Variants in LRPPRC observed in about 807,000 individuals in gnomAD.
LRPPRC encodes leucine rich pentatricopeptide repeat containing, also known as leucine-rich PPR motif-containing protein, mitochondrial.
A neutral mutation model predicts 180.3 loss-of-function variants in LRPPRC; 120 were observed. That is an observed-to-expected ratio of 0.67 (90% confidence interval 0.57 to 0.77). The LOEUF is 0.77. LRPPRC is among the 30% of genes least tolerant of loss of function. LRPPRC has a pLI of 0.00. For synonymous variants in LRPPRC, 723 were observed against 600.0 expected (o/e 1.21, Z -3.00); for missense variants, 2,012 against 1,657.2 (o/e 1.21, Z -3.72).
chr2:43,982,448 C>A lies in LRPPRC; in HGVS notation c.150-14G>T. 1 of 1,590,626 alleles carries A rather than the reference C, an allele frequency of 6.3e-7. No individual in the cohort carries two copies. The highest frequency in any genetic ancestry group is 1.1e-5 in the South Asian group (1 of 90,388). ...CTCAGTAGTCCTCTAAAAAATGAAACATAATTAATAATAATCAGTTGCTAT... is the reference window on the plus strand; with the variant it reads ...CTCAGTAGTCCTCTAAAAAATGAAAAATAATTAATAATAATCAGTTGCTAT... On this transcript the variant is annotated splice_polypyrimidine_tract_variant and intron_variant, in intron 1 of 37. Transcript: ENST00000260665.
chr2:43,896,978 C>T (rs1484032721), intron 34 of LRPPRC, among the ~76,000 whole-genome samples: 4 of 152,086 alleles, frequency 2.6e-5, no homozygotes, highest in African/African-American at 9.7e-5. Flanking sequence ...TCAACAACCA[C>T]AGAATAAGGT....
At chr2:43,941,685 G>C (rs1307475500) in intron 23 of LRPPRC, among the ~76,000 whole-genome samples, 1 of 151,832 alleles carries the variant, frequency 6.6e-6, no homozygotes, top group African/African-American at 2.4e-5. Context: ...CCCTGACTAC[G>C]AATGTTTCTG....
chr2:43,974,977 G>T, intron 7 of LRPPRC, 114 bp downstream of exon 7: 1 of 1,152,632 alleles, frequency 8.7e-7, no homozygotes. Flanking sequence ...ACTACTTTCT[G>T]CAAGGAAACA....
intron 1 of LRPPRC, among the ~76,000 whole-genome samples, chr2:43,993,846 G>C (rs1201811459): frequency 6.6e-6 from 1 of 152,004 alleles, no homozygotes; most frequent in Non-Finnish European, 1.5e-5. Flanking sequence ...TTGAGGTAAG[G>C]CTTCCCTGAA....
At chr2:43,911,520 C>CTTTTTTTTTTTTTTTTTT (rs755010502) in intron 30 of LRPPRC, among the ~76,000 whole-genome samples, 3 of 113,484 alleles carry the variant, frequency 2.6e-5, no homozygotes, top group East Asian at 4.3e-4. Context: ...TCTTCTTCTT[C>CTTTTTTTTTTTTTTTTTT]TTCTTTTTTT....
chr2:43,913,500 C>G (rs1200949247), intron 29 of LRPPRC, among the ~76,000 whole-genome samples: 1 of 152,130 alleles, frequency 6.6e-6, no homozygotes, highest in Non-Finnish European at 1.5e-5. Context: ...AGTTTCTGAA[C>G]AGGCGAAAAT....
chr2:43,960,778 C>A (rs1673316660), intron 12 of LRPPRC, 144 bp from the exon 13 acceptor site: 1 of 664,494 alleles, frequency 1.5e-6, no homozygotes. Flanking sequence ...TGAATTTTAG[C>A]AAAAATTTAA....
At position 43,912,456 on chromosome 2, in the gene LRPPRC, G is replaced by A. The variant is rs780729959; in HGVS notation, c.3251C>T (p.Thr1084Ile). The A allele has an allele frequency of 1.2e-6, 2 of 1,608,770 alleles. No individual in the cohort carries two copies. Among genetic ancestry groups the A allele is most frequent in the South Asian group, 2.2e-5 (2 of 90,980 alleles). The change falls in exon 30 of 38, where the codon ACA becomes ATA. Residue 1084 changes from threonine (T) to isoleucine (I), a missense_variant. Physicochemically the swap from Thr to Ile is moderately conservative, Grantham distance 89 (BLOSUM62 -1). Transcript: ENST00000260665. ...CAATGCTTTCACTTCCATTGCTTGT[G>A]TAAAATAATCTTCTGACATCAGTAA... ...IKLLMSEDYF[T>I]QAMEVKAFAE...
At chr2:43,959,952 C>T (rs1673271321) in intron 13 of LRPPRC, among the ~76,000 whole-genome samples, 1 of 152,150 alleles carries the variant, frequency 6.6e-6, no homozygotes, top group South Asian at 2.1e-4. Context: ...GTCTGAACAT[C>T]TTACTTCTGG....
intron 29 of LRPPRC, among the ~76,000 whole-genome samples, chr2:43,914,927 C>G (rs535103476): frequency 1.3e-5 from 2 of 150,266 alleles, no homozygotes; most frequent in Admixed American, 1.3e-4. Flanking sequence ...CACCAGAGGA[C>G]GGGCGTGGTG....
At position 43,973,725 on chromosome 2, in the gene LRPPRC, T is replaced by G. The variant is rs577384547; in HGVS notation, c.1262-11A>C. 1.2e-6 allele frequency: 2 copies of G among 1,608,202 alleles called. No homozygotes were observed. Among genetic ancestry groups the G allele is most frequent in the East Asian group, 2.2e-5 (1 of 44,860 alleles). On this transcript the variant is annotated splice_polypyrimidine_tract_variant and intron_variant, in intron 10 of 37. Transcript: ENST00000260665. ...AGGCTTTTGCCAAATCTGAAAGAGA[T>G]ATCATAAAAGATCACAAAGCTACCT...
At chr2:43,988,712 T>G (rs148694819) in intron 1 of LRPPRC, among the ~76,000 whole-genome samples, 2,068 of 152,042 alleles carry the variant, frequency 0.014, 42 homozygotes, top group African/African-American at 0.046. Context: ...CTAATTTTTT[T>G]GTTATTTTTT....
At chr2:43,919,326 G>T (rs531848006) in intron 27 of LRPPRC, among the ~76,000 whole-genome samples, 1 of 152,152 alleles carries the variant, frequency 6.6e-6, no homozygotes, top group African/African-American at 2.4e-5. Context: ...GGCTGCTGCC[G>T]TATAGTACAC....
intron 11 of LRPPRC, among the ~76,000 whole-genome samples, chr2:43,967,398 TAGAA>T (rs1486738121): frequency 2.9e-5 from 2 of 68,424 alleles, no homozygotes; most frequent in African/African-American, 6.4e-5. Context: ...GATCGATTGA[TAGAA>T]AGACAGATAT....
At chr2:43,946,369 A>G in intron 20 of LRPPRC, 126 bp from the exon 21 acceptor site, 1 of 725,558 alleles carries the variant, frequency 1.4e-6, no homozygotes, top group Non-Finnish European at 2.4e-6. Context: ...GTTTCATGTT[A>G]ACAACCTGAC....
At chr2:43,947,866 C>T in intron 18 of LRPPRC, 91 bp from the exon 19 acceptor site, 2 of 822,440 alleles carry the variant, frequency 2.4e-6, no homozygotes, top group Admixed American at 3.6e-5. Context: ...AGTCTCACCT[C>T]ATATTACTAC....
intron 23 of LRPPRC, among the ~76,000 whole-genome samples, chr2:43,941,156 C>T (rs987494182): frequency 6.6e-6 from 1 of 152,046 alleles, no homozygotes; most frequent in Non-Finnish European, 1.5e-5. Context: ...ACCCATAAAG[C>T]TTTTTTACAT....
intron 27 of LRPPRC, among the ~76,000 whole-genome samples, chr2:43,919,788 C>T (rs1456706898): frequency 6.6e-6 from 1 of 151,838 alleles, no homozygotes; most frequent in Non-Finnish European, 1.5e-5. Context: ...AGAAAAACTG[C>T]TTTAGATGTC....
intron 23 of LRPPRC, among the ~76,000 whole-genome samples, chr2:43,939,725 C>T (rs1403230983): frequency 6.6e-6 from 1 of 152,130 alleles, no homozygotes; most frequent in African/African-American, 2.4e-5. Flanking sequence ...TACAACTAAT[C>T]CTCCCCAAAA....
Sources: gnomAD v4.1 joint callset for allele counts (sites outside exome capture counted in the v4.1 genomes callset) on GRCh38, gnomAD v4.1.1 for gene constraint, MANE v1.5 for transcripts, NCBI Gene and HGNC (gene_info 2026-07-23, HGNC 2026-07-21) for gene names.